Variants in CCDC148 observed in about 807,000 individuals in gnomAD.
CCDC148 encodes coiled-coil domain-containing protein 148.
CCDC148 carries 89 observed loss-of-function variants against 85.7 expected under a neutral mutation model. The observed-to-expected ratio is 1.04, with a 90% CI of 0.87 to 1.24. The LOEUF is 1.24. CCDC148 is among the 50% of genes most tolerant of loss of function. The probability of loss-of-function intolerance (pLI) is 0.00; values close to 1 mark genes in which losing one functional copy is unlikely to be tolerated. For missense variants in CCDC148, 692 were observed against 671.7 expected (o/e 1.03, Z -0.33); for synonymous variants, 230 against 213.9 (o/e 1.08, Z -0.66).
chr2:158,259,473 T>C (rs969162095), intron 9 of CCDC148, among the ~76,000 whole-genome samples: 1 of 151,956 alleles, frequency 6.6e-6, no homozygotes, highest in African/African-American at 2.4e-5. Flanking sequence ...AAAGCAAATG[T>C]GATATACAAA....
At chr2:158,391,281 T>G (rs143455698) in intron 1 of CCDC148, among the ~76,000 whole-genome samples, 174 of 152,276 alleles carry the variant, frequency 1.1e-3, no homozygotes, top group African/African-American at 4.1e-3. Flanking sequence ...AAAATGGATA[T>G]TCTATATTTA....
chr2:158,431,110 T>C (rs1369658559), intron 1 of CCDC148, among the ~76,000 whole-genome samples: 1 of 151,240 alleles, frequency 6.6e-6, no homozygotes, highest in African/African-American at 2.4e-5. Context: ...AATACTAATA[T>C]ACATGTAAGT....
intron 1 of CCDC148, among the ~76,000 whole-genome samples, chr2:158,428,657 G>A (rs1687186093): frequency 7.9e-6 from 1 of 127,134 alleles, no homozygotes; most frequent in Admixed American, 7.7e-5. Flanking sequence ...AGAGGATGTA[G>A]AGAAATAGGA....
At chr2:158,437,701 G>A (rs1247009617) in intron 1 of CCDC148, among the ~76,000 whole-genome samples, 1 of 152,184 alleles carries the variant, frequency 6.6e-6, no homozygotes, top group African/African-American at 2.4e-5. Context: ...CCTGTTTGCA[G>A]ATGACATAAT....
At chr2:158,288,226 A>G (rs1690725082) in intron 9 of CCDC148, among the ~76,000 whole-genome samples, 1 of 152,184 alleles carries the variant, frequency 6.6e-6, no homozygotes, top group South Asian at 2.1e-4. Flanking sequence ...GACCTCTGAC[A>G]TGCCCTGGAG....
At chr2:158,311,089 C>A (rs1245807046) in intron 8 of CCDC148, among the ~76,000 whole-genome samples, 7 of 152,216 alleles carry the variant, frequency 4.6e-5, no homozygotes, top group Non-Finnish European at 1.0e-4. Context: ...GCAGAGGCTG[C>A]AATCTCAGCA....
At chr2:158,378,175 A>G (rs1444930200) in intron 1 of CCDC148, among the ~76,000 whole-genome samples, 2 of 152,138 alleles carry the variant, frequency 1.3e-5, no homozygotes, top group African/African-American at 4.8e-5. Flanking sequence ...TCCAGTAAAC[A>G]TGCAAGTGAT....
intron 11 of CCDC148, among the ~76,000 whole-genome samples, chr2:158,216,258 T>C (rs1686848640): frequency 1.3e-5 from 2 of 152,148 alleles, no homozygotes; most frequent in Non-Finnish European, 2.9e-5. Flanking sequence ...GCTTTAACTT[T>C]AATTTTTATA....
intron 9 of CCDC148, among the ~76,000 whole-genome samples, chr2:158,279,746 C>A (rs1690169610): frequency 6.6e-6 from 1 of 151,966 alleles, no homozygotes; most frequent in Non-Finnish European, 1.5e-5. Flanking sequence ...GCAAGGCAGG[C>A]CAACGTTCAG....
intron 1 of CCDC148, among the ~76,000 whole-genome samples, chr2:158,424,138 C>T (rs980392889): frequency 3.9e-5 from 6 of 152,300 alleles, no homozygotes; most frequent in African/African-American, 1.2e-4. Flanking sequence ...ACTAGTTCAA[C>T]CATTGTGGAA....
At chr2:158,276,448 A>C (rs1229174488) in intron 9 of CCDC148, among the ~76,000 whole-genome samples, 1 of 151,280 alleles carries the variant, frequency 6.6e-6, no homozygotes, top group Non-Finnish European at 1.5e-5. Context: ...CAAAAACAAA[A>C]ACAAAAAACA....
chr2:158,231,010 T>C (rs1040574326), intron 10 of CCDC148, among the ~76,000 whole-genome samples: 2 of 152,018 alleles, frequency 1.3e-5, no homozygotes, highest in African/African-American at 2.4e-5. Context: ...GGGAGCTCAG[T>C]TTTGAACACA....
In CCDC148 at chr2:158,171,926, C is replaced by A; in HGVS notation, c.*187G>T. The A allele has an allele frequency of 4.3e-6, 2 of 469,402 alleles. No homozygotes were observed. The highest frequency in any genetic ancestry group is 5.5e-4 in the Middle Eastern group (1 of 1,818). 29.1% of individuals were successfully genotyped at this position (469,402 alleles called of 1,614,324 possible). ...GGGAATTTAGTACTATTAAATATAA[C>A]TTAAAGATACAGGAAATATAGTGCA... On this transcript the variant is annotated 3_prime_UTR_variant, in exon 14 of 14. Coordinates refer to ENST00000283233, the MANE Select transcript of CCDC148 (RefSeq NM_138803.4).
chr2:158,451,792 T>G (rs970220938), intron 1 of CCDC148, among the ~76,000 whole-genome samples: 4 of 152,094 alleles, frequency 2.6e-5, no homozygotes, highest in Non-Finnish European at 5.9e-5. Context: ...TATTTACTTA[T>G]TAAAAAAAAC....
chr2:158,324,347 C>G lies in CCDC148; in HGVS notation c.765-10453G>C, dbSNP rs561008435. Among the ~76,000 whole-genome samples the G allele has an allele frequency of 6.6e-5, 10 of 152,186 alleles. No homozygotes were observed. The South Asian group carries it at 2.1e-3, about 32-fold the overall frequency. On this transcript the variant is annotated intron_variant, in intron 7 of 13. Coordinates refer to ENST00000283233, the MANE Select transcript of CCDC148 (RefSeq NM_138803.4). ...CCATGTTCTATAAACTATTTTGTGG[C>G]CTGCTTTTTAATTACATAGCAACAT...
intron 10 of CCDC148, among the ~76,000 whole-genome samples, chr2:158,242,274 A>G (rs573223994): frequency 3.9e-5 from 6 of 152,132 alleles, no homozygotes; most frequent in African/African-American, 7.2e-5. Context: ...TACCTTTTCT[A>G]TTTGGTTCTC....
chr2:158,428,398 G>C (rs1687173088), intron 1 of CCDC148, among the ~76,000 whole-genome samples: 1 of 152,102 alleles, frequency 6.6e-6, no homozygotes, highest in African/African-American at 2.4e-5. Context: ...TGGGATGGAG[G>C]AATAATTCGT....
chr2:158,412,553 T>A (rs964007523), intron 1 of CCDC148, among the ~76,000 whole-genome samples: 2 of 152,126 alleles, frequency 1.3e-5, no homozygotes, highest in African/African-American at 4.8e-5. Context: ...GGCATAGGAA[T>A]TTTTTGAAAG....
At chr2:158,265,386 T>G (rs1321591354) in intron 9 of CCDC148, among the ~76,000 whole-genome samples, 3 of 152,128 alleles carry the variant, frequency 2.0e-5, no homozygotes, top group African/African-American at 7.2e-5. Flanking sequence ...TTACTTTGTC[T>G]CTTCATAAGA....
Sources: allele counts gnomAD v4.1 joint callset (sites outside exome capture counted in the v4.1 genomes callset), GRCh38; gene constraint gnomAD v4.1.1; transcripts MANE v1.5; gene names NCBI Gene and HGNC (gene_info 2026-07-23, HGNC 2026-07-21).